The following RXYLT1 variants were observed in gnomAD, a reference collection of about 807,000 sequenced individuals.
RXYLT1 encodes ribitol xylosyltransferase 1.
RXYLT1 carries 41 observed loss-of-function variants against 43.5 expected under a neutral mutation model. That is an observed-to-expected ratio of 0.94 (90% confidence interval 0.73 to 1.22). The LOEUF is 1.22. Ranked by LOEUF, RXYLT1 falls within the 50% of genes most tolerant of loss-of-function variation. RXYLT1 has a pLI of 0.00. For synonymous variants in RXYLT1, 166 were observed against 194.4 expected (o/e 0.85, Z 1.21); for missense variants, 514 against 532.0 (o/e 0.97, Z 0.33).
chr12:63,802,552 G>A, intron 4 of RXYLT1, 147 bp downstream of exon 4: 1 of 624,646 alleles, frequency 1.6e-6, no homozygotes, highest in Non-Finnish European at 2.5e-6. Context: ...AACAGGGTGT[G>A]GTCGCATCCT....
chr12:63,784,341 A>T (rs994222535), intron 2 of RXYLT1, among the ~76,000 whole-genome samples: 1 of 152,208 alleles, frequency 6.6e-6, no homozygotes, highest in East Asian at 1.9e-4. Flanking sequence ...TATGGTCTCC[A>T]TAGTGCCTCA....
intron 3 of RXYLT1, among the ~76,000 whole-genome samples, chr12:63,792,447 A>C (rs1316470113): frequency 1.3e-5 from 2 of 151,656 alleles, no homozygotes; most frequent in African/African-American, 4.9e-5. Flanking sequence ...CTTGGCTCTT[A>C]TGCCTCTTCA....
rs148182310 is a variant in RXYLT1 at position 63,805,372 on chromosome 12, C to T, written c.882C>T (p.Asn294=). Reference sequence around the variant, plus strand: ...TGAACATTTTGAAAAAAGATGGGAACGATAAGCTTTGTTGGGTTTCAGCAA... The same window carrying T: ...TGAACATTTTGAAAAAAGATGGGAATGATAAGCTTTGTTGGGTTTCAGCAA... ...ALMNILKKDG[N]DKLCWVSARE... Residue 294 remains asparagine, a synonymous_variant, in exon 5 of 6, where the codon AAC becomes AAT. Coordinates refer to ENST00000261234, the MANE Select transcript of RXYLT1 (RefSeq NM_014254.3). 87 of 1,607,294 alleles carry T rather than the reference C, an allele frequency of 5.4e-5. No individual in the cohort carries two copies. Among genetic ancestry groups the T allele is most frequent in the Non-Finnish European group, 6.8e-5 (80 of 1,177,770 alleles).
chr12:63,781,040 A>G lies in RXYLT1; in HGVS notation c.191A>G (p.Glu64Gly), dbSNP rs1897669777. The change falls in exon 2 of 6, where the codon GAA becomes GGA. Residue 64 changes from glutamate (E) to glycine (G), a missense_variant. Transcript: ENST00000261234. Reference protein sequence around the residue: ...RGREQSTLESEEWNPWEGDEK... With the variant: ...RGREQSTLESGEWNPWEGDEK... ...ACAGAACAGTCCACTTTGGAAAGTG[A>G]AGAATGGAATCCTTGGGAAGGAGAT... 6.2e-7 allele frequency: 1 copy of G among 1,603,742 alleles called. No individual in the cohort carries two copies. Among genetic ancestry groups the G allele is most frequent in the Non-Finnish European group, 8.5e-7 (1 of 1,176,082 alleles).
intron 3 of RXYLT1, among the ~76,000 whole-genome samples, chr12:63,795,174 C>G (rs1463319830): frequency 6.6e-6 from 1 of 151,640 alleles, no homozygotes; most frequent in Non-Finnish European, 1.5e-5. Context: ...CAGGTACTTG[C>G]GGGGCTGAGG....
At chr12:63,803,963 C>T (rs1565906662) in intron 4 of RXYLT1, 1 of 151,614 alleles carries the variant, frequency 6.6e-6, no homozygotes, top group Non-Finnish European at 1.5e-5. Context: ...TAGCCATTCT[C>T]CTGCCTCAGC....
intron 3 of RXYLT1, among the ~76,000 whole-genome samples, chr12:63,788,317 A>G (rs1166651993): frequency 2.6e-5 from 4 of 152,190 alleles, no homozygotes; most frequent in Admixed American, 2.6e-4. Flanking sequence ...TGATAAGAGA[A>G]TCAGCCTGTC....
intron 3 of RXYLT1, among the ~76,000 whole-genome samples, chr12:63,788,254 A>G (rs886913426): frequency 1.4e-4 from 21 of 152,206 alleles, no homozygotes. Flanking sequence ...GATTTTCAGA[A>G]TGATAAATGA....
chr12:63,786,445 C>A (rs1408786045), intron 3 of RXYLT1, among the ~76,000 whole-genome samples: 1 of 151,874 alleles, frequency 6.6e-6, no homozygotes, highest in African/African-American at 2.4e-5. Context: ...TTTTTATTAT[C>A]CAGTACATAT....
intron 4 of RXYLT1, 45 bp from the exon 5 acceptor site, chr12:63,805,189 C>A: frequency 6.7e-7 from 1 of 1,486,176 alleles, no homozygotes; most frequent in Admixed American, 2.2e-5. Flanking sequence ...GGAATTTTTG[C>A]CAATTCTATA....
rs1555227016 is a variant in RXYLT1, at chr12:63,795,285, A to AG, written c.429-6806_429-6805insG. On this transcript the variant is annotated intron_variant, in intron 3 of 5. Transcript: ENST00000261234. ...GACAGTGAGACCCTGTGTCAAAAAA[A>AG]AAGAAGAAGAAGAAGAAGAAGAAGA... 1.0e-4 allele frequency among the ~76,000 whole-genome samples: 15 copies of AG among 150,172 alleles called. No individual in the cohort carries two copies. In the East Asian group the frequency reaches 2.4e-3, roughly 24 times the overall value.
rs371578445 is a variant in RXYLT1, at chr12:63,793,690, G to A, written c.429-8401G>A. On this transcript the variant is annotated intron_variant, in intron 3 of 5. Transcript: ENST00000261234. ...TAAATAGTAGTAGAAATGGAGAGAA[G>A]TGGGGTGAAAAACAAATATTTATGA... 1.7e-4 allele frequency among the ~76,000 whole-genome samples: 26 copies of A among 152,284 alleles called. 2 individuals carry two copies. In the South Asian group the frequency reaches 5.2e-3, roughly 30 times the overall value.
In RXYLT1 at chr12:63,799,787, T is replaced by G. The variant is rs192689026; in HGVS notation, c.429-2304T>G. Reference sequence around the variant, plus strand: ...GGGGAAGGAGGACTGGAAGACTTTCTCATGCTCTTAAGAATTATACCTGCT... The same window carrying G: ...GGGGAAGGAGGACTGGAAGACTTTCGCATGCTCTTAAGAATTATACCTGCT... On this transcript the variant is annotated intron_variant, in intron 3 of 5. Transcript: ENST00000261234. Among the ~76,000 whole-genome samples, 8 of 152,286 alleles carry G rather than the reference T, an allele frequency of 5.3e-5. No homozygotes were observed. The East Asian group carries it at 7.7e-4, about 15-fold the overall frequency.
chr12:63,782,555 G>A lies in RXYLT1; in HGVS notation c.325+1381G>A, dbSNP rs142392407. ...GTCTTTTTTAGTCCAAGCTGGCAGC[G>A]TTTCTGCTCATAAAACATTCTGAAG... On this transcript the variant is annotated intron_variant, in intron 2 of 5. Transcript: ENST00000261234. 5.3e-4 allele frequency: 243 copies of A among 456,520 alleles called. 3 individuals are homozygous for A. The highest frequency in any genetic ancestry group is 2.9e-3 in the South Asian group (186 of 64,562). 28.3% of individuals were successfully genotyped at this position (456,520 alleles called of 1,614,324 possible).
chr12:63,800,920 C>CAA (rs113859139), intron 3 of RXYLT1, among the ~76,000 whole-genome samples: 93 of 123,222 alleles, frequency 7.5e-4, no homozygotes, highest in South Asian at 2.8e-3. Context: ...GACTCTGTCT[C>CAA]AAAAAAAAAA....
At chr12:63,805,790 A>T (rs1295946369) in intron 5 of RXYLT1, 1 of 156,752 alleles carries the variant, frequency 6.4e-6, no homozygotes, top group Non-Finnish European at 1.4e-5. Flanking sequence ...CAAATTCAGG[A>T]ATTCAGGAAC....
intron 3 of RXYLT1, among the ~76,000 whole-genome samples, chr12:63,801,119 A>G (rs1249815991): frequency 6.6e-6 from 1 of 152,126 alleles, no homozygotes; most frequent in Non-Finnish European, 1.5e-5. Flanking sequence ...TACAATTGCT[A>G]TCATAAATTT....
intron 4 of RXYLT1, 29 bp from the exon 5 acceptor site, chr12:63,805,205 T>C (rs1565907150): frequency 3.8e-6 from 6 of 1,568,266 alleles, no homozygotes; most frequent in Non-Finnish European, 5.2e-6. Context: ...CTATATCATA[T>C]GTTAATTCAT....
chr12:63,802,128 T>C lies in RXYLT1; in HGVS notation c.466T>C (p.Ser156Pro). Residue 156 changes from serine to proline, a missense_variant, in exon 4 of 6, where the codon TCC (serine) becomes CCC (proline). Transcript: ENST00000261234. ...TGPAVIPGYF[S>P]VDVNNVVLIL... is the part of the protein sequence containing the mutation. Reference sequence around the variant, plus strand: ...TCCAGCTGTAATACCAGGGTACTTCTCCGTTGATGTGAATAATGTGGTACT... The same window carrying C: ...TCCAGCTGTAATACCAGGGTACTTCCCCGTTGATGTGAATAATGTGGTACT... The C allele has an allele frequency of 6.2e-7, 1 of 1,611,144 alleles. No individual in the cohort carries two copies. The highest frequency in any genetic ancestry group is 8.5e-7 in the Non-Finnish European group (1 of 1,178,678).
Sources: allele counts gnomAD v4.1 joint callset (sites outside exome capture counted in the v4.1 genomes callset), GRCh38; gene constraint gnomAD v4.1.1; transcripts MANE v1.5; gene names NCBI Gene and HGNC (gene_info 2026-07-23, HGNC 2026-07-21).